Variants in ADGRF4 observed in about 807,000 individuals in gnomAD.
ADGRF4 encodes the protein adhesion G protein-coupled receptor F4.
In ADGRF4, 63 loss-of-function variants were observed where a neutral mutation model predicts 58.5. The ratio of observed to expected loss-of-function variants is 1.08; its 90% CI spans 0.88 to 1.33. ADGRF4 has a LOEUF of 1.33. Among genes scored for constraint, ADGRF4 ranks in the 40% most tolerant of loss-of-function variants. The pLI is 0.00. For synonymous variants in ADGRF4, 313 were observed against 295.4 expected, an observed-to-expected ratio of 1.06 and a Z score of -0.61; for missense variants, 931 against 843.9, an observed-to-expected ratio of 1.10 and a Z score of -1.28.
intron 8 of ADGRF4, 107 bp downstream of exon 8, chr6:47,717,458 C>A: frequency 1.3e-6 from 1 of 777,228 alleles, no homozygotes; most frequent in Non-Finnish European, 2.3e-6. Flanking sequence ...CAAAGAGGAT[C>A]AATAAAGCGT....
rs746044415 is a variant in ADGRF4 at position 47,714,951 on chromosome 6, T to C, written c.1706T>C (p.Ile569Thr). The C allele has an allele frequency of 7.3e-5, 117 of 1,613,716 alleles. No homozygotes were observed. Among genetic ancestry groups the C allele is most frequent in the South Asian group, 1.3e-4 (12 of 91,082 alleles). Residue 569 changes from isoleucine (I) to threonine (T), a missense_variant, in exon 6 of 10, where the codon ATT (isoleucine) becomes ACT (threonine). Ile to Thr is a moderately conservative substitution (Grantham distance 89, BLOSUM62 -1). Transcript: ENST00000283303. ...LLAFAIPAFV[I>T]VAVNLIVVLV... ...GCATTTGCCATCCCGGCGTTCGTCA[T>C]TGTGGCTGTAAATCTGATTGTGGTT...
Position 47,698,637 on chromosome 6 carries a change from C to A in ADGRF4, c.-174C>A, listed in dbSNP as rs118058653. Reference sequence around the variant, plus strand: ...GTCAGTTCTCACTGGGCCCCTTGGACTCCCATTTCAAAAATGGAGAAGACA... The same window carrying A: ...GTCAGTTCTCACTGGGCCCCTTGGAATCCCATTTCAAAAATGGAGAAGACA... On this transcript the variant is annotated 5_prime_UTR_variant, in exon 1 of 10. Transcript: ENST00000283303. 2.0e-5 allele frequency: 3 copies of A among 152,178 alleles called. No homozygotes were observed. Among genetic ancestry groups the A allele is most frequent in the African/African-American group, 7.2e-5 (3 of 41,428 alleles). 9.4% of individuals were successfully genotyped at this position (152,178 alleles called of 1,614,324 possible).
At chr6:47,718,568 A>C (rs1162533645) in intron 9 of ADGRF4, 123 bp downstream of exon 9, 1 of 694,992 alleles carries the variant, frequency 1.4e-6, no homozygotes, top group Non-Finnish European at 2.6e-6. Context: ...GAAGAGGGGG[A>C]CATCTTTTTC....
At chr6:47,713,758 T>C (rs6916562) in intron 5 of ADGRF4, 40 bp from the exon 6 acceptor site, 1,249,458 of 1,434,784 alleles carry the variant, frequency 0.87, 545,611 homozygotes, top group Admixed American at 0.91. Flanking sequence ...TACAACAATG[T>C]GTAAATCCTT....
Position 47,716,788 on chromosome 6 carries a change from T to TG in ADGRF4, c.1933-17dup. On this transcript the variant is annotated splice_polypyrimidine_tract_variant and intron_variant, in intron 6 of 9. Coordinates refer to ENST00000283303, the MANE Select transcript of ADGRF4 (RefSeq NM_153838.5). ...TTTGAAAAACCATCCCTCATGAATC[T>TG]GTTCAATTTTGCCACAGGGTTTTTT... 6.3e-7 allele frequency: 1 copy of TG among 1,589,170 alleles called. No individual in the cohort carries two copies. The highest frequency in any genetic ancestry group is 1.3e-5 in the African/African-American group (1 of 74,242).
intron 6 of ADGRF4, among the ~76,000 whole-genome samples, 156 bp from the exon 7 acceptor site, chr6:47,716,650 A>G (rs1047395189): frequency 6.6e-6 from 1 of 152,226 alleles, no homozygotes; most frequent in Admixed American, 6.5e-5. Context: ...ACTCAAAGGA[A>G]CACCCATCAG....
intron 5 of ADGRF4, 71 bp downstream of exon 5, chr6:47,712,679 T>C: frequency 8.4e-7 from 1 of 1,193,148 alleles, no homozygotes; most frequent in South Asian, 1.5e-5. Flanking sequence ...CAAATATACT[T>C]TCCAGGGCAA....
intron 1 of ADGRF4, among the ~76,000 whole-genome samples, chr6:47,702,945 C>T (rs1014954722): frequency 6.6e-6 from 1 of 152,218 alleles, no homozygotes; most frequent in African/African-American, 2.4e-5. Flanking sequence ...ATCAGGCTCC[C>T]ATATGAAAGC....
At position 47,713,025 on chromosome 6, in the gene ADGRF4, G is replaced by C. The variant is rs76285467; in HGVS notation, c.552+417G>C. Among the ~76,000 whole-genome samples the C allele has an allele frequency of 3.9e-3, 599 of 152,306 alleles. 3 individuals are homozygous for C. The highest frequency in any genetic ancestry group is 0.014 in the African/African-American group (575 of 41,562). On this transcript the variant is annotated intron_variant, in intron 5 of 9. Coordinates refer to ENST00000283303, the MANE Select transcript of ADGRF4 (RefSeq NM_153838.5). ...CATTATCACCTGGGCTCTGCCTCCT[G>C]TTGGATCAGCTGCAGCATTAGATTC... is the stretch of plus-strand genomic sequence containing the variant.
At chr6:47,703,595 A>T (rs1407581290) in intron 1 of ADGRF4, among the ~76,000 whole-genome samples, 3 of 152,232 alleles carry the variant, frequency 2.0e-5, no homozygotes, top group Non-Finnish European at 2.9e-5. Flanking sequence ...TACCATCCCA[A>T]ATGGTATATA....
At chr6:47,711,960 C>T (rs1195335139) in intron 4 of ADGRF4, among the ~76,000 whole-genome samples, 1 of 152,204 alleles carries the variant, frequency 6.6e-6, no homozygotes, top group African/African-American at 2.4e-5. Context: ...CTTCTTCTAA[C>T]TAGTAAACTC....
At chr6:47,712,053 G>A (rs192087136) in intron 4 of ADGRF4, among the ~76,000 whole-genome samples, 117 of 152,178 alleles carry the variant, frequency 7.7e-4, no homozygotes, top group African/African-American at 2.3e-3. Flanking sequence ...AATTCCATGT[G>A]GTTCTTCTTT....
rs745702301 is a variant in ADGRF4, at chr6:47,718,392, G to A, written c.2038G>A (p.Ala680Thr). Residue 680 changes from alanine (A) to threonine (T), a missense_variant, in exon 9 of 10, where the codon GCA (alanine) becomes ACA (threonine). Ala to Thr is a moderately conservative substitution (Grantham distance 58). Transcript: ENST00000283303. ...LKGKSRAAEN[A>T]SLGPTNGSKL... ...CTGTTATTTTTCCCCCACTTAGAATGCATCACTAGGCCCAACCAATGGATC... is the reference window on the plus strand; with the variant it reads ...CTGTTATTTTTCCCCCACTTAGAATACATCACTAGGCCCAACCAATGGATC... The A allele has an allele frequency of 1.9e-6, 3 of 1,542,110 alleles. No homozygotes were observed. The highest frequency in any genetic ancestry group is 2.7e-6 in the Non-Finnish European group (3 of 1,114,564).
chr6:47,706,444 C>T (rs894622477), intron 1 of ADGRF4, among the ~76,000 whole-genome samples: 2 of 152,180 alleles, frequency 1.3e-5, no homozygotes, highest in Admixed American at 6.5e-5. Context: ...ATTAATTTCA[C>T]TTTAAGTTAC....
At chr6:47,712,235 C>A in intron 4 of ADGRF4, 122 bp from the exon 5 acceptor site, 1 of 955,660 alleles carries the variant, frequency 1.0e-6, no homozygotes, top group Non-Finnish European at 1.6e-6. Flanking sequence ...ATCAAAACCA[C>A]TTTTTAGGAC....
rs1195115643 is a variant in ADGRF4 at position 47,721,749 on chromosome 6, A to G, written c.*544A>G. On this transcript the variant is annotated 3_prime_UTR_variant, in exon 10 of 10. Coordinates refer to ENST00000283303, the MANE Select transcript of ADGRF4 (RefSeq NM_153838.5). ...TTAAGTCATGGTACGTTTCCTAAAGATAGGGAACGGAAGAAAAGCAAGAGA... is the reference window on the plus strand; with the variant it reads ...TTAAGTCATGGTACGTTTCCTAAAGGTAGGGAACGGAAGAAAAGCAAGAGA... 6.6e-6 allele frequency: 1 copy of G among 152,152 alleles called. No individual in the cohort carries two copies. The highest frequency in any genetic ancestry group is 1.5e-5 in the Non-Finnish European group (1 of 68,026). 9.4% of individuals were successfully genotyped at this position (152,152 alleles called of 1,614,324 possible). A position where few individuals can be genotyped will look rare whatever the true frequency, so the allele number is the denominator to read the frequency against.
intron 4 of ADGRF4, 123 bp from the exon 5 acceptor site, chr6:47,712,234 A>G: frequency 1.1e-6 from 1 of 921,192 alleles, no homozygotes; most frequent in Non-Finnish European, 1.7e-6. Flanking sequence ...CATCAAAACC[A>G]CTTTTTAGGA....
chr6:47,719,949 G>A (rs575527557), intron 9 of ADGRF4, among the ~76,000 whole-genome samples: 5 of 152,316 alleles, frequency 3.3e-5, no homozygotes, highest in South Asian at 4.1e-4. Context: ...TGAGGTAGGC[G>A]AGGAACTGAG....
At chr6:47,717,783 G>A (rs990935819) in intron 8 of ADGRF4, among the ~76,000 whole-genome samples, 2 of 152,212 alleles carry the variant, frequency 1.3e-5, no homozygotes, top group Non-Finnish European at 2.9e-5. Context: ...ACAACAGGGA[G>A]CAATTGGCAT....
Sources: allele counts gnomAD v4.1 joint callset (sites outside exome capture counted in the v4.1 genomes callset), GRCh38; gene constraint gnomAD v4.1.1; transcripts MANE v1.5; gene names NCBI Gene and HGNC (gene_info 2026-07-23, HGNC 2026-07-21).